The following CDH18 variants were observed in gnomAD, a reference collection of about 807,000 sequenced individuals.
The protein encoded by CDH18 is cadherin 18.
CDH18 carries 31 observed loss-of-function variants against 67.9 expected under a neutral mutation model. That is an observed-to-expected ratio of 0.46 (90% CI 0.34 to 0.62). The LOEUF (loss-of-function observed/expected upper bound fraction) is 0.62, where lower values mean the gene tolerates loss of function less well. CDH18 is among the 20% of genes least tolerant of loss of function. The pLI is 0.01. For missense variants in CDH18, 890 were observed against 975.5 expected (o/e 0.91, Z 1.17); for synonymous variants, 362 against 347.2 (o/e 1.04, Z -0.48).
intron 1 of CDH18, among the ~76,000 whole-genome samples, chr5:20,537,420 G>A (rs1461927272): frequency 6.6e-6 from 1 of 151,934 alleles, no homozygotes; most frequent in African/African-American, 2.4e-5. Flanking sequence ...GGAAAGTAAT[G>A]AGATCTATTA....
intron 2 of CDH18, among the ~76,000 whole-genome samples, chr5:20,044,795 T>C (rs1463957599): frequency 6.6e-6 from 1 of 152,196 alleles, no homozygotes; most frequent in Non-Finnish European, 1.5e-5. Context: ...CCAGGTTTCC[T>C]TCACTTTCCT....
intron 2 of CDH18, among the ~76,000 whole-genome samples, chr5:20,033,869 T>C (rs1739613437): frequency 6.6e-6 from 1 of 152,086 alleles, no homozygotes; most frequent in Non-Finnish European, 1.5e-5. Flanking sequence ...CTCTTTATGC[T>C]GATTAGATGT....
chr5:19,951,148 C>T (rs540745416), intron 2 of CDH18, among the ~76,000 whole-genome samples: 9 of 152,242 alleles, frequency 5.9e-5, no homozygotes, highest in Admixed American at 1.3e-4. Flanking sequence ...AAATCCAAGA[C>T]TCAATGGAAA....
chr5:20,189,725 G>A (rs572065509), intron 2 of CDH18, among the ~76,000 whole-genome samples: 5 of 152,150 alleles, frequency 3.3e-5, no homozygotes, highest in Admixed American at 2.0e-4. Context: ...ATACTACCTC[G>A]CTTCACTCAA....
At chr5:19,879,158 TTAATC>T (rs1270019444) in intron 2 of CDH18, among the ~76,000 whole-genome samples, 1 of 152,070 alleles carries the variant, frequency 6.6e-6, no homozygotes, top group African/African-American at 2.4e-5. Flanking sequence ...ACTTAGTGCT[TTAATC>T]TAAGCAGAAT....
chr5:20,208,094 G>A (rs748531368), intron 2 of CDH18, among the ~76,000 whole-genome samples: 6 of 152,078 alleles, frequency 3.9e-5, no homozygotes, highest in South Asian at 2.1e-4. Context: ...ACCCAATGCC[G>A]AGTAAATTAT....
chr5:20,246,478 C>A (rs1456988538), intron 2 of CDH18, among the ~76,000 whole-genome samples: 1 of 152,046 alleles, frequency 6.6e-6, no homozygotes, highest in Non-Finnish European at 1.5e-5. Context: ...AAACTCTTGG[C>A]AGGAAAAAAT....
chr5:20,560,507 ACACACC>A lies in CDH18; in HGVS notation c.-580+14949_-580+14954del, dbSNP rs1205540649. Among the ~76,000 whole-genome samples, 7 of 148,184 alleles carry A rather than the reference ACACACC, an allele frequency of 4.7e-5. 1 individual carries two copies. Among genetic ancestry groups the A allele is most frequent in the Admixed American group, 4.7e-4 (7 of 14,934 alleles). Reference sequence around the variant, plus strand: ...CACACACACACACACACACACACACACACACCCCTACATTCACAAATCCATTAAGAC... The same window carrying A: ...CACACACACACACACACACACACACACCTACATTCACAAATCCATTAAGAC... On this transcript the variant is annotated intron_variant, in intron 1 of 14. Coordinates refer to the CDH18 transcript ENST00000507958.
chr5:20,082,154 G>A (rs1744536329), intron 2 of CDH18, among the ~76,000 whole-genome samples: 1 of 151,294 alleles, frequency 6.6e-6, no homozygotes, highest in Non-Finnish European at 1.5e-5. Flanking sequence ...AAGCAAACCT[G>A]TGATATTAAT....
At chr5:19,598,067 T>C (rs1746453158) in intron 6 of CDH18, among the ~76,000 whole-genome samples, 1 of 152,150 alleles carries the variant, frequency 6.6e-6, no homozygotes, top group South Asian at 2.1e-4. Context: ...CTTATTCACA[T>C]GCAGGAAAAT....
intron 5 of CDH18, among the ~76,000 whole-genome samples, chr5:19,629,251 C>T (rs1025845911): frequency 6.6e-6 from 1 of 152,092 alleles, no homozygotes; most frequent in African/African-American, 2.4e-5. Flanking sequence ...GAAACCTCTA[C>T]AAGATGAGAA....
intron 3 of CDH18, among the ~76,000 whole-genome samples, chr5:19,778,616 T>C (rs1343542366): frequency 6.6e-6 from 1 of 152,162 alleles, no homozygotes. Flanking sequence ...TTTTCCTCTT[T>C]ACCAGCCTTA....
intron 5 of CDH18, among the ~76,000 whole-genome samples, chr5:19,713,654 T>C (rs1383033290): frequency 6.6e-6 from 1 of 152,150 alleles, no homozygotes; most frequent in Non-Finnish European, 1.5e-5. Context: ...TGTAAAGTAC[T>C]TTGGTACTTT....
Position 20,098,363 on chromosome 5 carries a change from A to T in CDH18, c.-517-106349T>A, listed in dbSNP as rs188353053. On this transcript the variant is annotated intron_variant, in intron 2 of 14. Transcript: ENST00000507958. The stretch of plus-strand genomic sequence containing the variant: ...TACAACATGATGATTTTATATAGAC[A>T]CTGTGTAATAATTACCACAATCAAA... Among the ~76,000 whole-genome samples the T allele has an allele frequency of 1.1e-4, 16 of 152,196 alleles. No individual in the cohort carries two copies. In the East Asian group the frequency reaches 2.9e-3, roughly 27 times the overall value.
At chr5:19,899,695 C>A (rs987886462) in intron 2 of CDH18, among the ~76,000 whole-genome samples, 1 of 152,004 alleles carries the variant, frequency 6.6e-6, no homozygotes, top group Non-Finnish European at 1.5e-5. Context: ...TGAAAACAAC[C>A]TGAATGTCCA....
chr5:19,918,958 A>G (rs1041863229), intron 2 of CDH18, among the ~76,000 whole-genome samples: 1 of 152,176 alleles, frequency 6.6e-6, no homozygotes, highest in African/African-American at 2.4e-5. Context: ...TGGTTGCCAG[A>G]GGAACCAAAC....
intron 2 of CDH18, among the ~76,000 whole-genome samples, chr5:20,179,454 C>T (rs1261271049): frequency 6.6e-6 from 1 of 152,078 alleles, no homozygotes; most frequent in African/African-American, 2.4e-5. Context: ...AGTTTGTTTT[C>T]ACTTATTATC....
At chr5:20,376,270 T>G (rs1367131904) in intron 1 of CDH18, among the ~76,000 whole-genome samples, 1 of 151,292 alleles carries the variant, frequency 6.6e-6, no homozygotes. Context: ...ATTTTTTGTA[T>G]TTTTAGTAGA....
At chr5:19,504,704 T>C (rs1561216551) in intron 10 of CDH18, among the ~76,000 whole-genome samples, 1 of 152,142 alleles carries the variant, frequency 6.6e-6, no homozygotes, top group African/African-American at 2.4e-5. Context: ...ACCTCTTTTT[T>C]CCCCTTCTTT....
Sources: allele counts gnomAD v4.1 joint callset (sites outside exome capture counted in the v4.1 genomes callset), GRCh38; gene constraint gnomAD v4.1.1; transcripts MANE v1.5; gene names NCBI Gene and HGNC (gene_info 2026-07-23, HGNC 2026-07-21).